Variants in NETO1 observed in about 807,000 individuals in gnomAD.
The protein encoded by NETO1 is neuropilin and tolloid-like protein 1.
A neutral mutation model predicts 61.3 loss-of-function variants in NETO1; 26 were observed. The ratio of observed to expected loss-of-function variants is 0.42; its 90% CI spans 0.31 to 0.59. The LOEUF (loss-of-function observed/expected upper bound fraction) is 0.59. Ranked by LOEUF, NETO1 falls within the 20% of genes least tolerant of loss-of-function variation. The pLI, the probability that NETO1 is intolerant of heterozygous loss-of-function variation, is 0.12. For synonymous variants in NETO1, 225 were observed against 225.8 expected (o/e 1.00, Z 0.03); for missense variants, 531 against 662.8 (o/e 0.80, Z 2.18).
chr18:72,775,069 A>G (rs1339357770), intron 7 of NETO1, among the ~76,000 whole-genome samples: 4 of 152,238 alleles, frequency 2.6e-5, no homozygotes, highest in Non-Finnish European at 5.9e-5. Flanking sequence ...GCCATAAATC[A>G]GGGCAGCAAT....
At chr18:72,861,167 G>A (rs1175029688) in intron 3 of NETO1, among the ~76,000 whole-genome samples, 1 of 152,152 alleles carries the variant, frequency 6.6e-6, no homozygotes, top group Non-Finnish European at 1.5e-5. Flanking sequence ...TTCTGTGGCT[G>A]AGTCAACCTC....
intron 4 of NETO1, among the ~76,000 whole-genome samples, chr18:72,829,708 A>AT (rs1680498703): frequency 6.6e-6 from 1 of 152,206 alleles, no homozygotes; most frequent in African/African-American, 2.4e-5. Flanking sequence ...TAAGAACAGA[A>AT]TAAAAACTCT....
intron 7 of NETO1, among the ~76,000 whole-genome samples, chr18:72,778,059 T>G (rs2145207100): frequency 6.6e-6 from 1 of 152,304 alleles, no homozygotes; most frequent in Admixed American, 6.5e-5. Context: ...CACCCTCCAC[T>G]TGGTGCAGTG....
chr18:72,797,121 G>T lies in NETO1; in HGVS notation c.470-2717C>A, dbSNP rs139316094. The stretch of plus-strand genomic sequence containing the variant: ...TATCCTTCTTACTATTAAGAATAAT[G>T]CTTAATTATATTCATAATTAATACT... On this transcript the variant is annotated intron_variant, in intron 4 of 10. Coordinates refer to ENST00000327305, the MANE Select transcript of NETO1 (RefSeq NM_138966.5). Among the ~76,000 whole-genome samples, 597 of 152,044 alleles carry T rather than the reference G, an allele frequency of 3.9e-3. 4 individuals carry two copies. The highest frequency in any genetic ancestry group is 0.013 in the African/African-American group (523 of 41,454).
rs1268351780 is a variant in NETO1 at position 72,794,378 on chromosome 18, A to T, written c.496T>A (p.Leu166Met). ...PDPDFKDLGA[L>M]KPLPACEFEM... ...TTTTACCAACCTGGTAATGGTTTCA[A>T]AGCTCCAAGGTCCTTAAAGTCAGGA... The change falls in exon 5 of 11, where the codon TTG becomes ATG. Residue 166 changes from leucine (L) to methionine (M), a missense_variant. Transcript: ENST00000327305. The T allele has an allele frequency of 6.2e-7, 1 of 1,612,746 alleles. No homozygotes were observed. The highest frequency in any genetic ancestry group is 8.5e-7 in the Non-Finnish European group (1 of 1,179,772).
intron 8 of NETO1, among the ~76,000 whole-genome samples, chr18:72,755,304 A>C (rs949907546): frequency 2.6e-5 from 4 of 152,286 alleles, no homozygotes; most frequent in Non-Finnish European, 5.9e-5. Flanking sequence ...CTGTGGTATT[A>C]CTTCTTTACT....
chr18:72,752,217 G>T (rs2145087227), intron 8 of NETO1, among the ~76,000 whole-genome samples: 1 of 152,236 alleles, frequency 6.6e-6, no homozygotes, highest in South Asian at 2.1e-4. Context: ...CTAGACTCAA[G>T]GACTACCCTT....
At chr18:72,824,023 T>A (rs1410725248) in intron 4 of NETO1, among the ~76,000 whole-genome samples, 1 of 152,248 alleles carries the variant, frequency 6.6e-6, no homozygotes, top group African/African-American at 2.4e-5. Context: ...TCACTCTGGC[T>A]GCTATGTAGA....
chr18:72,794,442 C>A (rs746449312), intron 4 of NETO1, 38 bp from the exon 5 acceptor site: 2 of 1,569,252 alleles, frequency 1.3e-6, no homozygotes, highest in Admixed American at 1.9e-5. Flanking sequence ...TCCCATTCTA[C>A]ATTTATTACT....
rs973914291 is a variant in NETO1, at chr18:72,755,908, CA to C, written c.982+125del. The C allele has an allele frequency of 2.2e-5, 12 of 555,350 alleles. No individual in the cohort carries two copies. In the African/African-American group the frequency reaches 2.3e-4, roughly 11 times the overall value. 34.4% of individuals were successfully genotyped at this position (555,350 alleles called of 1,614,324 possible). ...AAACGCTTACAAATCAATTATAAGA[CA>C]TATGCGGTGGTCATAAAAGGCACTA... On this transcript the variant is annotated intron_variant, in intron 8 of 10. Transcript: ENST00000327305.
intron 6 of NETO1, among the ~76,000 whole-genome samples, chr18:72,784,838 C>G (rs572447315): frequency 6.6e-6 from 1 of 152,352 alleles, no homozygotes; most frequent in Admixed American, 6.5e-5. Context: ...TCAGTGGCAT[C>G]CACAGCTTGT....
At chr18:72,837,944 C>T (rs2073806691) in intron 4 of NETO1, among the ~76,000 whole-genome samples, 2 of 150,654 alleles carry the variant, frequency 1.3e-5, no homozygotes, top group South Asian at 4.2e-4. Context: ...CATTCTCCGT[C>T]CCCATCACCA....
At chr18:72,821,360 C>T (rs912683969) in intron 4 of NETO1, among the ~76,000 whole-genome samples, 5 of 149,680 alleles carry the variant, frequency 3.3e-5, no homozygotes, top group Non-Finnish European at 5.9e-5. Context: ...CTGACCAACA[C>T]GGAGAAACCC....
intron 7 of NETO1, 23 bp from the exon 8 acceptor site, chr18:72,756,170 A>T (rs201270137): frequency 2.5e-6 from 3 of 1,183,320 alleles, no homozygotes; most frequent in East Asian, 4.7e-5. Flanking sequence ...AGAACAAGAC[A>T]AAGGAGGAAA....
In NETO1 at chr18:72,773,547, G is replaced by A. The variant is rs145721707; in HGVS notation, c.868+10131C>T. On this transcript the variant is annotated intron_variant, in intron 7 of 10. Transcript: ENST00000327305. ...TTGTAATAATCCCCAGGTGTCAAGC[G>A]CAGGAACAGGTGGAGGTAAATGAAT... Among the ~76,000 whole-genome samples the A allele has an allele frequency of 4.0e-4, 61 of 152,190 alleles. No individual in the cohort carries two copies. In the East Asian group the frequency reaches 9.7e-3, roughly 24 times the overall value.
intron 8 of NETO1, among the ~76,000 whole-genome samples, chr18:72,754,266 GAA>G (rs2070716729): frequency 6.6e-6 from 1 of 151,816 alleles, no homozygotes; most frequent in Non-Finnish European, 1.5e-5. Context: ...AATAAAGAAG[GAA>G]AAGAGAAAAA....
In NETO1 at chr18:72,756,074, G is replaced by T. The variant is rs1192849497; in HGVS notation, c.942C>A (p.Leu314=). The stretch of plus-strand genomic sequence containing the variant: ...CATCCCAAGGATACACACAGTTCTG[G>T]AGTCCATTGCAGACCAAAGTATTAT... ...CINNTLVCNG[L]QNCVYPWDEN... The change falls in exon 8 of 11, where the codon CTC becomes CTA. Residue 314 remains leucine (L), a synonymous_variant. Coordinates refer to ENST00000327305, the MANE Select transcript of NETO1 (RefSeq NM_138966.5). 1.2e-6 allele frequency: 2 copies of T among 1,610,096 alleles called. No homozygotes were observed. Among genetic ancestry groups the T allele is most frequent in the Non-Finnish European group, 1.7e-6 (2 of 1,176,866 alleles).
Position 72,864,964 on chromosome 18 carries a change from A to G in NETO1, c.83-19T>C, listed in dbSNP as rs1461597382. ...TGCTTTTCTGTTAAAAAAAAAAAAA[A>G]GTTTTAAAAAGAGCCATCATCCAAT... On this transcript the variant is annotated intron_variant, in intron 2 of 10. Transcript: ENST00000327305. 2 of 1,491,270 alleles carry G rather than the reference A, an allele frequency of 1.3e-6. No individual in the cohort carries two copies. Among genetic ancestry groups the G allele is most frequent in the Non-Finnish European group, 9.1e-7 (1 of 1,102,204 alleles). 92.4% of individuals were successfully genotyped at this position (1,491,270 alleles called of 1,614,324 possible). A position where few individuals can be genotyped will look rare whatever the true frequency, so the allele number is the denominator to read the frequency against.
At chr18:72,812,255 AGTCT>A (rs1297553070) in intron 4 of NETO1, among the ~76,000 whole-genome samples, 1 of 152,258 alleles carries the variant, frequency 6.6e-6, no homozygotes, top group East Asian at 1.9e-4. Flanking sequence ...ACTTGAACAC[AGTCT>A]GTCTGATTGC....
Sources: allele counts gnomAD v4.1 joint callset (sites outside exome capture counted in the v4.1 genomes callset), GRCh38; gene constraint gnomAD v4.1.1; transcripts MANE v1.5; gene names NCBI Gene and HGNC (gene_info 2026-07-23, HGNC 2026-07-21).